The following PTPRG variants were observed in gnomAD, a reference collection of about 807,000 sequenced individuals.
PTPRG encodes the protein receptor-type tyrosine-protein phosphatase gamma.
In PTPRG, 102 loss-of-function variants were observed where a neutral mutation model predicts 165.3. The ratio of observed to expected loss-of-function variants is 0.62; its 90% CI spans 0.53 to 0.73. The LOEUF is 0.73. PTPRG is among the 30% of genes least tolerant of loss of function. PTPRG has a pLI of 0.00. For synonymous variants in PTPRG, 675 were observed against 669.5 expected (o/e 1.01, Z -0.13); for missense variants, 1,866 against 1,861.4 (o/e 1.00, Z -0.05).
intron 1 of PTPRG, among the ~76,000 whole-genome samples, chr3:61,612,609 C>G (rs186870280): frequency 6.6e-6 from 1 of 152,222 alleles, no homozygotes; most frequent in Non-Finnish European, 1.5e-5. Flanking sequence ...TATGCATTCT[C>G]TAGCCTATTT....
intron 6 of PTPRG, among the ~76,000 whole-genome samples, chr3:62,145,601 CA>C (rs1182063052): frequency 1.3e-5 from 2 of 152,078 alleles, no homozygotes; most frequent in Non-Finnish European, 2.9e-5. Flanking sequence ...CTTTTGAGAT[CA>C]GGGGAAAGGG....
chr3:61,738,292 A>ATG (rs1416708938), intron 1 of PTPRG, among the ~76,000 whole-genome samples: 4 of 74,036 alleles, frequency 5.4e-5, no homozygotes, highest in South Asian at 5.0e-4. Context: ...ATATATATAT[A>ATG]TATATATATA....
intron 20 of PTPRG, 33 bp downstream of exon 20, chr3:62,269,202 T>A (rs970153815): frequency 1.3e-6 from 2 of 1,533,904 alleles, no homozygotes; most frequent in African/African-American, 2.7e-5. Context: ...TGCCAGGGCA[T>A]CCCCTTTTTA....
intron 11 of PTPRG, among the ~76,000 whole-genome samples, chr3:62,202,877 T>G (rs766437272): frequency 2.6e-4 from 39 of 152,242 alleles, no homozygotes; most frequent in Admixed American, 5.2e-4. Flanking sequence ...TTAACACTAC[T>G]TAGTTTTTTT....
chr3:61,808,367 G>C (rs1453930923), intron 2 of PTPRG, among the ~76,000 whole-genome samples: 1 of 152,072 alleles, frequency 6.6e-6, no homozygotes, highest in African/African-American at 2.4e-5. Context: ...AGAAACCCCT[G>C]GTGAACTTTG....
At chr3:62,146,896 G>A (rs370909257) in intron 6 of PTPRG, among the ~76,000 whole-genome samples, 14 of 152,290 alleles carry the variant, frequency 9.2e-5, no homozygotes, top group African/African-American at 3.1e-4. Context: ...TTGACTTAGA[G>A]ATATGTCGTG....
chr3:61,942,792 T>C (rs1259255205), intron 2 of PTPRG, among the ~76,000 whole-genome samples: 1 of 152,262 alleles, frequency 6.6e-6, no homozygotes, highest in African/African-American at 2.4e-5. Context: ...TAAATGTCTT[T>C]TTTAAAATTG....
chr3:61,909,260 A>G (rs1407141625), intron 2 of PTPRG, among the ~76,000 whole-genome samples: 2 of 152,192 alleles, frequency 1.3e-5, no homozygotes, highest in African/African-American at 4.8e-5. Flanking sequence ...CGTTTCTTCG[A>G]TGATAAAGGA....
chr3:62,206,588 A>G (rs997727207), intron 12 of PTPRG, among the ~76,000 whole-genome samples: 16 of 152,010 alleles, frequency 1.1e-4, no homozygotes, highest in Admixed American at 4.6e-4. Flanking sequence ...TTCCTTTGCT[A>G]TTGTCTGTGG....
At chr3:62,069,961 A>T (rs934369356) in intron 4 of PTPRG, among the ~76,000 whole-genome samples, 1 of 152,214 alleles carries the variant, frequency 6.6e-6, no homozygotes, top group Non-Finnish European at 1.5e-5. Flanking sequence ...TGTTAATCAC[A>T]TGTAAAAAAT....
chr3:61,870,058 T>G (rs1436869065), intron 2 of PTPRG, among the ~76,000 whole-genome samples: 1 of 152,144 alleles, frequency 6.6e-6, no homozygotes, highest in Non-Finnish European at 1.5e-5. Flanking sequence ...GGCAAAGTCT[T>G]CACCTCCCAG....
intron 4 of PTPRG, among the ~76,000 whole-genome samples, chr3:62,070,131 G>T (rs1023968948): frequency 2.0e-5 from 3 of 152,078 alleles, no homozygotes; most frequent in African/African-American, 7.2e-5. Context: ...TAAATGAATA[G>T]ATCTTCTTTT....
chr3:62,074,352 C>CTTTT (rs200189646), intron 4 of PTPRG, among the ~76,000 whole-genome samples: 5,414 of 108,484 alleles, frequency 0.05, 195 homozygotes, highest in Non-Finnish European at 0.076. Context: ...TCTTTTCTTT[C>CTTTT]TTTTTTTTTT....
intron 1 of PTPRG, among the ~76,000 whole-genome samples, chr3:61,699,042 G>T (rs1434679860): frequency 6.6e-6 from 1 of 151,874 alleles, no homozygotes; most frequent in Non-Finnish European, 1.5e-5. Flanking sequence ...AGCGGGGAGG[G>T]ATAGCATTAG....
chr3:61,607,670 TTCTC>T (rs1701052049), intron 1 of PTPRG, among the ~76,000 whole-genome samples: 3 of 152,206 alleles, frequency 2.0e-5, no homozygotes, highest in African/African-American at 7.2e-5. Flanking sequence ...AGAAGTGACA[TTCTC>T]TGTGGAGAGG....
At chr3:62,006,594 T>G (rs1239851955) in intron 4 of PTPRG, among the ~76,000 whole-genome samples, 2 of 152,230 alleles carry the variant, frequency 1.3e-5, no homozygotes, top group African/African-American at 4.8e-5. Flanking sequence ...TTGTCTTGCA[T>G]GCAGTATGTA....
intron 1 of PTPRG, among the ~76,000 whole-genome samples, chr3:61,689,021 T>C (rs1369626423): frequency 6.6e-6 from 1 of 152,240 alleles, no homozygotes; most frequent in African/African-American, 2.4e-5. Flanking sequence ...AAGCAGCCAG[T>C]GCTGGCGAAA....
rs145287320 is a variant in PTPRG, at chr3:61,818,456, TAATC to T, written c.190+69477_190+69480del. 1.9e-3 allele frequency among the ~76,000 whole-genome samples: 291 copies of T among 152,222 alleles called. 1 individual carries two copies. Among genetic ancestry groups the T allele is most frequent in the Non-Finnish European group, 3.5e-3 (236 of 68,008 alleles). On this transcript the variant is annotated intron_variant, in intron 2 of 29. Transcript: ENST00000474889. ...CAAGTAGAGGAGGAGAAGATTTTAA[TAATC>T]AAAGAGAAATATAATAATGAAAAAG...
chr3:61,869,566 C>A (rs2037503524), intron 2 of PTPRG, among the ~76,000 whole-genome samples: 1 of 151,286 alleles, frequency 6.6e-6, no homozygotes, highest in East Asian at 2.0e-4. Flanking sequence ...ACCCTCCCCT[C>A]CCCTCCCCTC....
Sources: allele counts gnomAD v4.1 joint callset (sites outside exome capture counted in the v4.1 genomes callset), GRCh38; gene constraint gnomAD v4.1.1; transcripts MANE v1.5; gene names NCBI Gene and HGNC (gene_info 2026-07-23, HGNC 2026-07-21).